The following COX10 variants were observed in gnomAD, a reference collection of about 807,000 sequenced individuals.
The protein encoded by COX10 is cytochrome c oxidase assembly factor heme A:farnesyltransferase COX10.
Under a neutral mutation model 37.3 loss-of-function variants are expected in COX10, and 27 were observed. The ratio of observed to expected loss-of-function variants is 0.72; its 90% CI spans 0.53 to 1.00. The LOEUF (loss-of-function observed/expected upper bound fraction) is 1.00. Among genes scored for constraint, COX10 ranks in the 50% least tolerant of loss-of-function variants. COX10 has a pLI of 0.00. For synonymous variants in COX10, 222 were observed against 229.1 expected (o/e 0.97, Z 0.28); for missense variants, 475 against 563.2 (o/e 0.84, Z 1.59).
At chr17:14,070,556 A>G (rs1006611979) in intron 1 of COX10, among the ~76,000 whole-genome samples, 1 of 152,176 alleles carries the variant, frequency 6.6e-6, no homozygotes, top group African/African-American at 2.4e-5. Context: ...CTTAAAGAGG[A>G]CGTTAGATGA....
intron 4 of COX10, among the ~76,000 whole-genome samples, chr17:14,132,316 AATTCTGACGG>A (rs1916485017): frequency 6.6e-6 from 1 of 151,912 alleles, no homozygotes; most frequent in South Asian, 2.1e-4. Flanking sequence ...TGTTGTTTTA[AATTCTGACGG>A]AGAATCCGTG....
chr17:14,206,055 A>G (rs1906688695), intron 6 of COX10, among the ~76,000 whole-genome samples: 1 of 151,964 alleles, frequency 6.6e-6, no homozygotes, highest in African/African-American at 2.4e-5. Flanking sequence ...TGGTTTTGAC[A>G]CCTCCCGCTT....
chr17:14,149,049 A>G (rs1381166225), intron 4 of COX10, among the ~76,000 whole-genome samples: 1 of 149,314 alleles, frequency 6.7e-6, no homozygotes, highest in Non-Finnish European at 1.5e-5. Flanking sequence ...ATATTCACTA[A>G]CATAAAAATA....
At chr17:14,154,506 G>A (rs1478850821) in intron 4 of COX10, among the ~76,000 whole-genome samples, 2 of 152,170 alleles carry the variant, frequency 1.3e-5, no homozygotes, top group Non-Finnish European at 2.9e-5. Flanking sequence ...CCTCTAAGTG[G>A]TTCAGACAAG....
rs529489567 is a variant in COX10, at chr17:14,077,197, G to A, written c.499+141G>A. ...TATTTTTCCTCTCTTCAATTTAACT[G>A]GGATTTGAAATTAAATTTTCTGAAT... is the stretch of plus-strand genomic sequence containing the variant. On this transcript the variant is annotated intron_variant, in intron 3 of 6. Coordinates refer to ENST00000261643, the MANE Select transcript of COX10 (RefSeq NM_001303.4). 6.8e-6 allele frequency: 5 copies of A among 738,596 alleles called. No homozygotes were observed. In the East Asian group the frequency reaches 1.3e-4, roughly 20 times the overall value. The allele number at this position is 738,596 out of a possible 1,614,324, so 45.8% of individuals were successfully genotyped here. A position where few individuals can be genotyped will look rare whatever the true frequency, so the allele number is the denominator to read the frequency against.
chr17:14,074,374 C>T lies in COX10; in HGVS notation c.95C>T (p.Ser32Phe), dbSNP rs756716339. The T allele has an allele frequency of 6.8e-6, 11 of 1,613,818 alleles. No individual in the cohort carries two copies. The highest frequency in any genetic ancestry group is 9.3e-6 in the Non-Finnish European group (11 of 1,179,746). ...CTTGAAAGAAGAACTATACAGGACTCCCCTCACAAGTTCTTACATCTTCTC... is the reference window on the plus strand; with the variant it reads ...CTTGAAAGAAGAACTATACAGGACTTCCCTCACAAGTTCTTACATCTTCTC... ...WYLERRTIQD[S>F]PHKFLHLLRN... Residue 32 changes from serine (S) to phenylalanine (F), a missense_variant, in exon 2 of 7, where the codon TCC becomes TTC. Coordinates refer to ENST00000261643, the MANE Select transcript of COX10 (RefSeq NM_001303.4).
chr17:14,090,369 A>G (rs1253632448), intron 3 of COX10, among the ~76,000 whole-genome samples: 1 of 152,180 alleles, frequency 6.6e-6, no homozygotes, highest in Non-Finnish European at 1.5e-5. Flanking sequence ...TTATACTAAG[A>G]AAGTTTTTGC....
At chr17:14,162,100 G>A (rs1470789652) in intron 5 of COX10, among the ~76,000 whole-genome samples, 1 of 152,094 alleles carries the variant, frequency 6.6e-6, no homozygotes, top group Non-Finnish European at 1.5e-5. Flanking sequence ...GCTACCTAAT[G>A]GTGAAAGATA....
chr17:14,132,620 T>G (rs866186465), intron 4 of COX10, among the ~76,000 whole-genome samples: 125 of 151,886 alleles, frequency 8.2e-4, no homozygotes, highest in African/African-American at 2.9e-3. Flanking sequence ...TGTTCTACCT[T>G]AGAATATTTT....
intron 3 of COX10, among the ~76,000 whole-genome samples, chr17:14,088,293 G>A (rs1483752318): frequency 1.3e-5 from 2 of 152,038 alleles, no homozygotes; most frequent in Admixed American, 6.6e-5. Context: ...TTTAACAAAC[G>A]CTTCTTGAGG....
intron 5 of COX10, among the ~76,000 whole-genome samples, chr17:14,169,040 G>T (rs541129302): frequency 1.3e-5 from 2 of 152,082 alleles, no homozygotes; most frequent in Non-Finnish European, 2.9e-5. Flanking sequence ...CCTTTTAAAC[G>T]TAAGTTCCAA....
At chr17:14,117,087 G>A (rs1916131244) in intron 4 of COX10, among the ~76,000 whole-genome samples, 1 of 151,984 alleles carries the variant, frequency 6.6e-6, no homozygotes, top group Non-Finnish European at 1.5e-5. Flanking sequence ...TTCCCTTTTT[G>A]TTAGTTGTCA....
intron 6 of COX10, among the ~76,000 whole-genome samples, chr17:14,196,951 G>A (rs114838983): frequency 1.3e-3 from 202 of 152,250 alleles, no homozygotes; most frequent in African/African-American, 4.6e-3. Flanking sequence ...CAGGTTGCAC[G>A]GAACATATTC....
At chr17:14,197,309 T>C (rs1407760613) in intron 6 of COX10, among the ~76,000 whole-genome samples, 3 of 152,190 alleles carry the variant, frequency 2.0e-5, no homozygotes. Context: ...TTGTGGTGGC[T>C]ACAGGGCCAG....
chr17:14,168,341 C>T (rs1488938020), intron 5 of COX10, among the ~76,000 whole-genome samples: 1 of 152,244 alleles, frequency 6.6e-6, no homozygotes, highest in East Asian at 1.9e-4. Context: ...TCATGGGCTG[C>T]CATTGAGTGC....
chr17:14,166,188 A>G (rs542999990), intron 5 of COX10, among the ~76,000 whole-genome samples: 2 of 152,312 alleles, frequency 1.3e-5, no homozygotes, highest in African/African-American at 4.8e-5. Context: ...CTCTATTGGA[A>G]GAAGATGCCA....
rs535410971 is a variant in COX10, at chr17:14,114,643, T to C, written c.624+12401T>C. On this transcript the variant is annotated intron_variant, in intron 4 of 6. Coordinates refer to ENST00000261643, the MANE Select transcript of COX10 (RefSeq NM_001303.4). ...GAAAGAAGTCTAGCCCTTAGGTGTTTGATGAATACTTTAGAGTTAAATAAT... is the reference window on the plus strand; with the variant it reads ...GAAAGAAGTCTAGCCCTTAGGTGTTCGATGAATACTTTAGAGTTAAATAAT... 2.6e-5 allele frequency among the ~76,000 whole-genome samples: 4 copies of C among 152,240 alleles called. No homozygotes were observed. In the South Asian group the frequency reaches 8.3e-4, roughly 32 times the overall value.
At chr17:14,181,866 G>T (rs1001184270) in intron 5 of COX10, among the ~76,000 whole-genome samples, 31 of 151,466 alleles carry the variant, frequency 2.0e-4, no homozygotes, top group Admixed American at 7.2e-4. Flanking sequence ...TAAAAATTCC[G>T]AAGTCTTTGT....
chr17:14,117,986 A>T lies in COX10; in HGVS notation c.624+15744A>T, dbSNP rs189406670. On this transcript the variant is annotated intron_variant, in intron 4 of 6. Transcript: ENST00000261643. ...GTCGTCTCCCGGAGTCAGGCCGCCCACCTAGCTGGACTCTCCTCTGACCTT... is the reference window on the plus strand; with the variant it reads ...GTCGTCTCCCGGAGTCAGGCCGCCCTCCTAGCTGGACTCTCCTCTGACCTT... Among the ~76,000 whole-genome samples, 1,260 of 152,082 alleles carry T rather than the reference A, an allele frequency of 8.3e-3. 8 individuals carry two copies. Among genetic ancestry groups the T allele is most frequent in the Middle Eastern group, 0.017 (5 of 294 alleles).
Sources: gnomAD v4.1 joint callset for allele counts (sites outside exome capture counted in the v4.1 genomes callset) on GRCh38, gnomAD v4.1.1 for gene constraint, MANE v1.5 for transcripts, NCBI Gene and HGNC (gene_info 2026-07-23, HGNC 2026-07-21) for gene names.